Variants in VPS13C observed in about 807,000 individuals in gnomAD.
VPS13C encodes the protein intermembrane lipid transfer protein VPS13C.
Under a neutral mutation model 456.8 loss-of-function variants are expected in VPS13C, and 358 were observed. That is an observed-to-expected ratio of 0.78 (90% CI 0.72 to 0.86). The LOEUF is 0.86. Ranked by LOEUF, VPS13C falls within the 40% of genes least tolerant of loss-of-function variation. VPS13C has a pLI of 0.00. For synonymous variants in VPS13C, 1,578 were observed against 1,486.7 expected (o/e 1.06, Z -1.41); for missense variants, 4,818 against 4,385.4 (o/e 1.10, Z -2.79).
intron 15 of VPS13C, among the ~76,000 whole-genome samples, chr15:62,005,833 A>C (rs1282100050): frequency 6.6e-6 from 1 of 150,918 alleles, no homozygotes; most frequent in Non-Finnish European, 1.5e-5. Flanking sequence ...CTCCCGAGTA[A>C]CTGGGATTAC....
At chr15:62,044,745 T>C (rs530460522) in intron 1 of VPS13C, among the ~76,000 whole-genome samples, 187 of 152,282 alleles carry the variant, frequency 1.2e-3, no homozygotes, top group African/African-American at 4.3e-3. Flanking sequence ...GTGCTTCTAA[T>C]ATTCTTTAAT....
chr15:61,943,268 T>C (rs1397844271), intron 45 of VPS13C, among the ~76,000 whole-genome samples: 1 of 152,050 alleles, frequency 6.6e-6, no homozygotes, highest in Non-Finnish European at 1.5e-5. Context: ...GAAAAAACTA[T>C]TCTGAAATTC....
In VPS13C at chr15:61,970,157, T is replaced by C. The variant is rs371332027; in HGVS notation, c.2758-705A>G. On this transcript the variant is annotated intron_variant, in intron 27 of 84. Coordinates refer to ENST00000644861, the MANE Select transcript of VPS13C (RefSeq NM_020821.3). ...TTTTACCATGCTGAGAGGCCATAAGTAGGTGTTTCAGTCAATAGTCCCAGC... is the reference window on the plus strand; with the variant it reads ...TTTTACCATGCTGAGAGGCCATAAGCAGGTGTTTCAGTCAATAGTCCCAGC... Among the ~76,000 whole-genome samples, 9 of 152,282 alleles carry C rather than the reference T, an allele frequency of 5.9e-5. No individual in the cohort carries two copies. In the East Asian group the frequency reaches 1.4e-3, roughly 23 times the overall value.
chr15:61,936,192 T>C (rs1167314257), intron 48 of VPS13C, among the ~76,000 whole-genome samples: 1 of 152,194 alleles, frequency 6.6e-6, no homozygotes, highest in Non-Finnish European at 1.5e-5. Flanking sequence ...TAAGTCCAGA[T>C]AAATAAAGCT....
chr15:62,038,590 ATT>A, intron 3 of VPS13C, among the ~76,000 whole-genome samples: 1 of 152,200 alleles, frequency 6.6e-6, no homozygotes, highest in Admixed American at 6.5e-5. Flanking sequence ...TTGTCTCTAA[ATT>A]AATTAATTAA....
chr15:61,905,790 A>G (rs1044771112), intron 66 of VPS13C, among the ~76,000 whole-genome samples: 1 of 152,092 alleles, frequency 6.6e-6, no homozygotes, highest in African/African-American at 2.4e-5. Flanking sequence ...AATCTTTGTC[A>G]TTTCTCTAAT....
At chr15:62,037,926 CAT>C (rs1398992681) in intron 3 of VPS13C, among the ~76,000 whole-genome samples, 1 of 151,970 alleles carries the variant, frequency 6.6e-6, no homozygotes, top group Admixed American at 6.6e-5. Context: ...TAAAAGGAAA[CAT>C]ATATGTCATA....
rs964932248 is a variant in VPS13C at position 61,939,761 on chromosome 15, G to A, written c.5601+886C>T. Among the ~76,000 whole-genome samples the A allele has an allele frequency of 7.9e-5, 12 of 152,156 alleles. No homozygotes were observed. The South Asian group carries it at 1.2e-3, about 16-fold the overall frequency. On this transcript the variant is annotated intron_variant, in intron 47 of 84. Transcript: ENST00000644861. ...TGTAGTCCCAGCATTTTGGGAGGCC[G>A]AGGAGGGTGGATCACCTAAGGTCAG...
At chr15:61,951,733 A>G (rs938297979) in intron 39 of VPS13C, 91 bp downstream of exon 39, 3 of 1,349,596 alleles carry the variant, frequency 2.2e-6, no homozygotes, top group African/African-American at 2.9e-5. Context: ...AATTAACACA[A>G]TTGCACAGAA....
At chr15:61,903,947 T>A (rs2043079075) in intron 66 of VPS13C, among the ~76,000 whole-genome samples, 1 of 152,136 alleles carries the variant, frequency 6.6e-6, no homozygotes, top group Admixed American at 6.6e-5. Flanking sequence ...AGAATTAAAC[T>A]AGACCCCTAC....
intron 13 of VPS13C, among the ~76,000 whole-genome samples, chr15:62,010,172 A>G (rs2046991860): frequency 6.6e-6 from 1 of 151,992 alleles, no homozygotes; most frequent in African/African-American, 2.4e-5. Context: ...CCTGGGCAAC[A>G]GAGTGAGACT....
chr15:61,950,254 C>G (rs1390366164), intron 41 of VPS13C, 104 bp downstream of exon 41: 2 of 798,470 alleles, frequency 2.5e-6, no homozygotes, highest in Admixed American at 2.3e-5. Flanking sequence ...ATTATTGCCA[C>G]TGTTATTCTC....
In VPS13C at chr15:61,989,884, C is replaced by T. The variant is rs117151401; in HGVS notation, c.1578+1116G>A. Among the ~76,000 whole-genome samples the T allele has an allele frequency of 5.2e-3, 799 of 152,252 alleles. 4 individuals are homozygous for T. Among genetic ancestry groups the T allele is most frequent in the Non-Finnish European group, 9.5e-3 (645 of 68,026 alleles). ...GAAAACTATTTAATATGCTCATATC[C>T]TATGACTCAGCAATTCCACTCCTCA... On this transcript the variant is annotated intron_variant, in intron 18 of 84. Transcript: ENST00000644861.
chr15:61,962,252 A>G (rs973222953), intron 34 of VPS13C, 119 bp downstream of exon 34: 12 of 878,118 alleles, frequency 1.4e-5, no homozygotes, highest in Non-Finnish European at 1.8e-5. Context: ...ATTCACGCAT[A>G]AATATAATTA....
At chr15:62,007,502 G>A (rs367730943) in intron 14 of VPS13C, 23 bp from the exon 15 acceptor site, 94 of 1,536,550 alleles carry the variant, frequency 6.1e-5, no homozygotes, top group African/African-American at 9.7e-5. Flanking sequence ...TTTTGTTAAC[G>A]TAAATGTTAA....
Position 62,028,812 on chromosome 15 carries a change from A to C in VPS13C, c.386-392T>G, listed in dbSNP as rs138678131. 7.5e-3 allele frequency among the ~76,000 whole-genome samples: 1,143 copies of C among 152,114 alleles called. 10 individuals are homozygous for C. The highest frequency in any genetic ancestry group is 0.026 in the African/African-American group (1,085 of 41,500). ...AATATTACTGTGATATTTGACGCTA[A>C]TTTTAGAGTGGGCTGAAATGACCTC... is the stretch of plus-strand genomic sequence containing the variant. On this transcript the variant is annotated intron_variant, in intron 5 of 84. Coordinates refer to ENST00000644861, the MANE Select transcript of VPS13C (RefSeq NM_020821.3).
At chr15:61,869,645 G>A in intron 79 of VPS13C, 22 bp from the exon 80 acceptor site, 4 of 1,613,600 alleles carry the variant, frequency 2.5e-6, no homozygotes, top group Non-Finnish European at 3.4e-6. Flanking sequence ...CAATGACCAT[G>A]AATGGATAAA....
At chr15:61,977,588 G>A (rs113588414) in intron 23 of VPS13C, among the ~76,000 whole-genome samples, 23 of 152,008 alleles carry the variant, frequency 1.5e-4, no homozygotes, top group African/African-American at 5.5e-4. Flanking sequence ...AAAGAAGTAT[G>A]GGGTTCCTAA....
chr15:62,009,348 A>T, intron 13 of VPS13C, among the ~76,000 whole-genome samples: 1 of 151,742 alleles, frequency 6.6e-6, no homozygotes, highest in Non-Finnish European at 1.5e-5. Flanking sequence ...AGGTAACATG[A>T]AAGCAGAGAA....
Sources: allele counts gnomAD v4.1 joint callset (sites outside exome capture counted in the v4.1 genomes callset), GRCh38; gene constraint gnomAD v4.1.1; transcripts MANE v1.5; gene names NCBI Gene and HGNC (gene_info 2026-07-23, HGNC 2026-07-21).